The following OXCT1 variants were observed in gnomAD, a reference collection of about 807,000 sequenced individuals.
The protein encoded by OXCT1 is succinyl-CoA:3-ketoacid coenzyme A transferase 1, mitochondrial.
In OXCT1, 27 loss-of-function variants were observed where a neutral mutation model predicts 69.6. That is an observed-to-expected ratio of 0.39 (90% CI 0.29 to 0.54). OXCT1 has a LOEUF of 0.54. Ranked by LOEUF, OXCT1 falls within the 20% of genes least tolerant of loss-of-function variation. The probability of loss-of-function intolerance (pLI) is 0.72; values close to 1 mark genes in which losing one functional copy is unlikely to be tolerated. For missense variants in OXCT1, 437 were observed against 650.2 expected, an observed-to-expected ratio of 0.67 and a Z score of 3.57; for synonymous variants, 202 against 217.8, an observed-to-expected ratio of 0.93 and a Z score of 0.64.
intron 14 of OXCT1, among the ~76,000 whole-genome samples, chr5:41,757,935 T>G (rs1744164617): frequency 6.6e-6 from 1 of 152,118 alleles, no homozygotes; most frequent in South Asian, 2.1e-4. Flanking sequence ...TTACAGATTT[T>G]AAATAGCAAC....
At chr5:41,732,001 G>T (rs960448731) in intron 16 of OXCT1, among the ~76,000 whole-genome samples, 12 of 152,106 alleles carry the variant, frequency 7.9e-5, no homozygotes, top group Middle Eastern at 3.2e-3. Context: ...AATTAAGGAT[G>T]AACAAGGCTG....
At chr5:41,803,237 G>T in intron 9 of OXCT1, 74 bp from the exon 10 acceptor site, 2 of 944,228 alleles carry the variant, frequency 2.1e-6, no homozygotes, top group Non-Finnish European at 1.7e-6. Flanking sequence ...TACATATACA[G>T]ATCTGAACAG....
chr5:41,828,109 G>T (rs1470348792), intron 7 of OXCT1, among the ~76,000 whole-genome samples: 4 of 151,754 alleles, frequency 2.6e-5, no homozygotes, highest in Non-Finnish European at 4.4e-5. Flanking sequence ...ATTTTTTTTT[G>T]TTTTGTTTTG....
intron 13 of OXCT1, among the ~76,000 whole-genome samples, chr5:41,781,724 C>T (rs555767193): frequency 5.9e-5 from 9 of 152,226 alleles, no homozygotes; most frequent in African/African-American, 1.4e-4. Flanking sequence ...TCTGTTCCTG[C>T]GTTAGTTTGC....
At position 41,861,340 on chromosome 5, in the gene OXCT1, T is replaced by C; in HGVS notation, c.252A>G (p.Gly84=). Residue 84 remains glycine (G), a synonymous_variant, in exon 3 of 17, where the codon GGA becomes GGG. Coordinates refer to ENST00000196371, the MANE Select transcript of OXCT1 (RefSeq NM_000436.4). ...IDALLKTGVK[G]LTAVSNNAGV... is the part of the protein sequence containing the mutation. ...CTGCATTGTTGCTGACTGCAGTTAG[T>C]CCTTTTACTCCAGTTTTCAGTAAAG... The C allele has an allele frequency of 1.2e-6, 2 of 1,611,142 alleles. 1 individual carries two copies. The highest frequency in any genetic ancestry group is 2.7e-5 in the African/African-American group (2 of 74,964).
intron 13 of OXCT1, among the ~76,000 whole-genome samples, chr5:41,788,702 T>G (rs1745767004): frequency 6.6e-6 from 1 of 152,140 alleles, no homozygotes; most frequent in African/African-American, 2.4e-5. Flanking sequence ...AATCCACAAT[T>G]ATAGCTGAAG....
At chr5:41,733,522 C>T (rs2111967332) in intron 16 of OXCT1, among the ~76,000 whole-genome samples, 1 of 152,336 alleles carries the variant, frequency 6.6e-6, no homozygotes, top group African/African-American at 2.4e-5. Context: ...GCTGGGATTA[C>T]AGGCGTAAGC....
intron 13 of OXCT1, among the ~76,000 whole-genome samples, chr5:41,765,001 T>A (rs1230251643): frequency 6.6e-6 from 1 of 152,162 alleles, no homozygotes; most frequent in East Asian, 1.9e-4. Flanking sequence ...AATGTTTCCC[T>A]CCATTTCAAT....
At chr5:41,751,023 G>A (rs1010012864) in intron 14 of OXCT1, among the ~76,000 whole-genome samples, 1 of 152,096 alleles carries the variant, frequency 6.6e-6, no homozygotes, top group Admixed American at 6.6e-5. Context: ...AGATCTTACT[G>A]TATATGAAAA....
intron 15 of OXCT1, among the ~76,000 whole-genome samples, chr5:41,744,909 C>G (rs1018420674): frequency 5.3e-5 from 8 of 152,008 alleles, no homozygotes; most frequent in African/African-American, 1.9e-4. Flanking sequence ...ACAGGAGCAC[C>G]CAGTCCTTAG....
chr5:41,813,755 A>C (rs1425281739), intron 7 of OXCT1, among the ~76,000 whole-genome samples: 1 of 148,348 alleles, frequency 6.7e-6, no homozygotes, highest in East Asian at 1.9e-4. Flanking sequence ...CAAGAATGGT[A>C]TGCCCCTAGA....
intron 1 of OXCT1, among the ~76,000 whole-genome samples, chr5:41,868,284 T>C (rs758435777): frequency 1.3e-5 from 2 of 152,242 alleles, no homozygotes; most frequent in Non-Finnish European, 2.9e-5. Context: ...ATCTGATCTA[T>C]GCAGAGTAGT....
intron 15 of OXCT1, among the ~76,000 whole-genome samples, chr5:41,741,691 T>C (rs971162838): frequency 1.3e-5 from 2 of 152,200 alleles, no homozygotes; most frequent in Admixed American, 6.5e-5. Context: ...AACTGCATTA[T>C]TGGTTTGTCT....
Position 41,730,282 on chromosome 5 carries a change from T to A in OXCT1, c.*1447A>T, listed in dbSNP as rs942264222. On this transcript the variant is annotated 3_prime_UTR_variant, in exon 17 of 17. Transcript: ENST00000196371. ...TTGCACATTCTAAGAAGGGTCATTT[T>A]TTCCCCCCAGTACTGGGAAGGTATG... The A allele has an allele frequency of 1.3e-5, 2 of 152,244 alleles. No individual in the cohort carries two copies. The highest frequency in any genetic ancestry group is 4.8e-5 in the African/African-American group (2 of 41,470). 9.4% of individuals were successfully genotyped at this position (152,244 alleles called of 1,614,324 possible).
chr5:41,784,873 T>A (rs1204115606), intron 13 of OXCT1, among the ~76,000 whole-genome samples: 1 of 152,236 alleles, frequency 6.6e-6, no homozygotes, highest in Non-Finnish European at 1.5e-5. Context: ...ACAGGATCTT[T>A]CAAGTAAGAG....
intron 13 of OXCT1, among the ~76,000 whole-genome samples, chr5:41,784,726 G>T (rs1745566332): frequency 6.6e-6 from 1 of 152,164 alleles, no homozygotes; most frequent in Non-Finnish European, 1.5e-5. Flanking sequence ...TCAGTGTTCT[G>T]TGAGGATAAA....
At chr5:41,798,072 T>C (rs1025172892) in intron 11 of OXCT1, among the ~76,000 whole-genome samples, 3 of 152,248 alleles carry the variant, frequency 2.0e-5, no homozygotes, top group Non-Finnish European at 4.4e-5. Flanking sequence ...TAATGAATGT[T>C]GATAGAAAGT....
intron 13 of OXCT1, among the ~76,000 whole-genome samples, chr5:41,774,193 T>G (rs949404793): frequency 6.6e-6 from 1 of 152,224 alleles, no homozygotes; most frequent in Non-Finnish European, 1.5e-5. Context: ...GATACCACCT[T>G]GAGACCGTTA....
At chr5:41,772,019 C>T (rs982017182) in intron 13 of OXCT1, among the ~76,000 whole-genome samples, 1 of 152,080 alleles carries the variant, frequency 6.6e-6, no homozygotes, top group East Asian at 1.9e-4. Flanking sequence ...CTCCAATAGT[C>T]ATTACAAAAT....
Sources: allele counts gnomAD v4.1 joint callset (sites outside exome capture counted in the v4.1 genomes callset), GRCh38; gene constraint gnomAD v4.1.1; transcripts MANE v1.5; gene names NCBI Gene and HGNC (gene_info 2026-07-23, HGNC 2026-07-21).